The following DTNBP1 variants were observed in gnomAD, a reference collection of about 807,000 sequenced individuals.
DTNBP1 encodes dysbindin.
A neutral mutation model predicts 42.8 loss-of-function variants in DTNBP1; 35 were observed. That is an observed-to-expected ratio of 0.82 (90% confidence interval 0.63 to 1.09). DTNBP1 has a LOEUF of 1.09. DTNBP1 is among the 50% of genes least tolerant of loss of function. The pLI, the probability that DTNBP1 is intolerant of heterozygous loss-of-function variation, is 0.00. For synonymous variants in DTNBP1, 171 were observed against 162.2 expected (o/e 1.05, Z -0.41); for missense variants, 457 against 424.2 (o/e 1.08, Z -0.68).
chr6:15,614,972 C>A, intron 6 of DTNBP1: 1 of 474,516 alleles, frequency 2.1e-6, no homozygotes, highest in Non-Finnish European at 3.9e-6. Flanking sequence ...TCATTTGCCT[C>A]TTGGAGAAAA....
In DTNBP1 at chr6:15,560,850, A is replaced by G. The variant is rs1217740031; in HGVS notation, c.512-27455T>C. Among the ~76,000 whole-genome samples the G allele has an allele frequency of 1.1e-4, 16 of 152,360 alleles. 1 individual carries two copies. The highest frequency in any genetic ancestry group is 2.0e-4 in the Admixed American group (3 of 15,314). On this transcript the variant is annotated intron_variant, in intron 7 of 9. Coordinates refer to ENST00000344537, the MANE Select transcript of DTNBP1 (RefSeq NM_032122.5). The stretch of plus-strand genomic sequence containing the variant: ...TGGCTGGGCTCAAACCTTTAATAAG[A>G]AGTCTACTCTAAGATTCCTTACGGA...
At chr6:15,592,962 T>A in intron 7 of DTNBP1, 97 bp downstream of exon 7, 2 of 1,250,106 alleles carry the variant, frequency 1.6e-6, no homozygotes, top group Non-Finnish European at 2.2e-6. Context: ...TTATGTAAAC[T>A]GATTTTAAAA....
chr6:15,607,530 G>C (rs1045631850), intron 6 of DTNBP1, among the ~76,000 whole-genome samples: 1 of 152,118 alleles, frequency 6.6e-6, no homozygotes, highest in Admixed American at 6.5e-5. Flanking sequence ...TCAAACTCCT[G>C]ACCTCACATG....
intron 6 of DTNBP1, among the ~76,000 whole-genome samples, chr6:15,613,408 C>T (rs1434091387): frequency 8.0e-6 from 1 of 124,736 alleles, no homozygotes; most frequent in Admixed American, 9.1e-5. Context: ...GCTCTGTTGC[C>T]CAGGATGGAG....
intron 7 of DTNBP1, among the ~76,000 whole-genome samples, chr6:15,556,218 G>T (rs1256533266): frequency 1.4e-5 from 2 of 145,456 alleles, no homozygotes; most frequent in African/African-American, 5.1e-5. Context: ...TTTTGCTCTT[G>T]TTGCCCAGGC....
At chr6:15,661,162 G>C (rs55732508) in intron 1 of DTNBP1, among the ~76,000 whole-genome samples, 12,805 of 152,230 alleles carry the variant, frequency 0.084, 589 homozygotes, top group Non-Finnish European at 0.096. Flanking sequence ...TGTCCATTAA[G>C]ATAAAATTTT....
At chr6:15,524,781 A>G (rs2127787324) in intron 8 of DTNBP1, 112 bp from the exon 9 acceptor site, 13 of 1,508,128 alleles carry the variant, frequency 8.6e-6, no homozygotes, top group South Asian at 1.2e-5. Flanking sequence ...TTCCTTCAAA[A>G]TGGAATTTGA....
chr6:15,593,033 A>G, intron 7 of DTNBP1, 26 bp downstream of exon 7: 1 of 1,580,758 alleles, frequency 6.3e-7, no homozygotes, highest in Non-Finnish European at 8.6e-7. Context: ...CAACTACTTT[A>G]AAGTGAAGAA....
At position 15,587,484 on chromosome 6, in the gene DTNBP1, C is replaced by T. The variant is rs1776127098; in HGVS notation, c.511+5575G>A. 6.6e-6 allele frequency among the ~76,000 whole-genome samples: 1 copy of T among 152,164 alleles called. No homozygotes were observed. Among genetic ancestry groups the T allele is most frequent in the Admixed American group, 6.5e-5 (1 of 15,268 alleles). On this transcript the variant is annotated intron_variant, in intron 7 of 9. Transcript: ENST00000344537. The surrounding 1 kb of genome is among the most constrained non-coding windows in gnomAD (Gnocchi z 4.1). ...TTTTAAAAAGTAGTAGGTTGGAGGA[C>T]TTAGACGTCCCAATTTCAAATCTTA...
chr6:15,583,021 C>A (rs930711785), intron 7 of DTNBP1, among the ~76,000 whole-genome samples: 1 of 152,076 alleles, frequency 6.6e-6, no homozygotes, highest in African/African-American at 2.4e-5. Flanking sequence ...GCTCTGTTGC[C>A]CAGGCTGGAA....
intron 4 of DTNBP1, among the ~76,000 whole-genome samples, chr6:15,627,937 A>G (rs1359337574): frequency 4.6e-5 from 7 of 152,210 alleles, no homozygotes; most frequent in Non-Finnish European, 1.5e-5. Flanking sequence ...CCATGTTTCA[A>G]TTTACATTTA....
At chr6:15,549,400 G>A (rs188121629) in intron 7 of DTNBP1, among the ~76,000 whole-genome samples, 2 of 149,820 alleles carry the variant, frequency 1.3e-5, no homozygotes, top group African/African-American at 2.5e-5. Context: ...CAGGTGAGTC[G>A]CTTGAACCCA....
intron 7 of DTNBP1, among the ~76,000 whole-genome samples, chr6:15,555,376 G>A (rs1445760937): frequency 6.6e-6 from 1 of 152,022 alleles, no homozygotes; most frequent in Non-Finnish European, 1.5e-5. Context: ...CTCCTGGGCT[G>A]CATTCCAAGG....
At chr6:15,571,591 G>A (rs1377378054) in intron 7 of DTNBP1, among the ~76,000 whole-genome samples, 1 of 152,170 alleles carries the variant, frequency 6.6e-6, no homozygotes, top group Non-Finnish European at 1.5e-5. Context: ...CAGGTTTACT[G>A]ACAAGTGACT....
intron 7 of DTNBP1, among the ~76,000 whole-genome samples, chr6:15,537,682 C>G (rs930100476): frequency 6.6e-6 from 1 of 152,130 alleles, no homozygotes; most frequent in East Asian, 1.9e-4. Flanking sequence ...GTGACTAGTC[C>G]TCACGAGATC....
At chr6:15,645,571 A>G (rs932808698) in intron 3 of DTNBP1, among the ~76,000 whole-genome samples, 3 of 152,178 alleles carry the variant, frequency 2.0e-5, no homozygotes, top group African/African-American at 7.2e-5. Flanking sequence ...CCAACAGCAC[A>G]TCAAAGAGAT....
intron 3 of DTNBP1, among the ~76,000 whole-genome samples, chr6:15,639,566 C>T (rs1380655341): frequency 6.6e-6 from 1 of 152,182 alleles, no homozygotes; most frequent in Non-Finnish European, 1.5e-5. Context: ...GAAGGTCACA[C>T]AAATAATACA....
rs78667173 is a variant in DTNBP1 at position 15,558,294 on chromosome 6, C to T, written c.512-24899G>A. On this transcript the variant is annotated intron_variant, in intron 7 of 9. Coordinates refer to ENST00000344537, the MANE Select transcript of DTNBP1 (RefSeq NM_032122.5). ...TACTCTTTTTTTTTTTTTTTTGAGACGGAGTCTCTGTCGCCAGGCTGGAGT... is the reference window on the plus strand; with the variant it reads ...TACTCTTTTTTTTTTTTTTTTGAGATGGAGTCTCTGTCGCCAGGCTGGAGT... Among the ~76,000 whole-genome samples the T allele has an allele frequency of 3.0e-4, 43 of 141,658 alleles. 1 individual carries two copies. Among genetic ancestry groups the T allele is most frequent in the Admixed American group, 1.1e-3 (15 of 13,808 alleles). The allele number at this position is 141,658 out of a possible 152,430, so 92.9% of individuals were successfully genotyped here.
chr6:15,617,816 C>T (rs1221490239), intron 5 of DTNBP1, among the ~76,000 whole-genome samples: 3 of 151,788 alleles, frequency 2.0e-5, no homozygotes, highest in Non-Finnish European at 2.9e-5. Flanking sequence ...TTGGTTTGGA[C>T]AAAGATTTTA....
Sources: allele counts gnomAD v4.1 joint callset (sites outside exome capture counted in the v4.1 genomes callset), GRCh38; gene constraint gnomAD v4.1.1; non-coding constraint Gnocchi (gnomAD v3.1); transcripts MANE v1.5; gene names NCBI Gene and HGNC (gene_info 2026-07-23, HGNC 2026-07-21).